DMD: variants seen among roughly 807,000 people sequenced by gnomAD.
The protein encoded by DMD is dystrophin.
In DMD, 63 loss-of-function variants were observed where a neutral mutation model predicts 330.1. The ratio of observed to expected loss-of-function variants is 0.19; its 90% CI spans 0.16 to 0.24. DMD has a LOEUF of 0.24. Ranked by LOEUF, DMD falls within the 10% of genes least tolerant of loss-of-function variation. The pLI is 1.00. For synonymous variants in DMD, 1,223 were observed against 959.8 expected, an observed-to-expected ratio of 1.27 and a Z score of -5.07; for missense variants, 3,344 against 2,684.1, an observed-to-expected ratio of 1.25 and a Z score of -5.43.
chrX:31,464,205 T>A (rs1327041521), intron 59 of DMD, among the ~76,000 whole-genome samples: 2 of 111,649 alleles, frequency 1.8e-5, no homozygotes, highest in Non-Finnish European at 3.8e-5. Context: ...GATGAACTCA[T>A]TAGCTGAACA....
At chrX:32,202,081 G>A (rs2097042475) in intron 44 of DMD, among the ~76,000 whole-genome samples, 1 of 111,286 alleles carries the variant, frequency 9.0e-6, no homozygotes, top group Non-Finnish European at 1.9e-5. Flanking sequence ...TCACACAGTA[G>A]GTCAACAAAT....
chrX:32,720,200 G>A (rs2066144562), intron 7 of DMD, among the ~76,000 whole-genome samples: 1 of 110,412 alleles, frequency 9.1e-6, no homozygotes, highest in South Asian at 3.8e-4. Flanking sequence ...CTTTATTGTT[G>A]TTACCTTTTC....
At chrX:32,982,010 C>T (rs761983906) in intron 2 of DMD, among the ~76,000 whole-genome samples, 4 of 111,392 alleles carry the variant, frequency 3.6e-5, no homozygotes, top group South Asian at 3.7e-4. Context: ...ATTTTTCTGT[C>T]GATCATTCTC....
intron 44 of DMD, among the ~76,000 whole-genome samples, chrX:32,197,391 G>C (rs2097011302): frequency 9.0e-6 from 1 of 111,376 alleles, no homozygotes; most frequent in Admixed American, 9.5e-5. Flanking sequence ...CCCGTTGTTT[G>C]ATCAGATCAA....
intron 47 of DMD, among the ~76,000 whole-genome samples, chrX:31,908,527 T>C (rs979220320): frequency 1.9e-5 from 2 of 105,706 alleles, no homozygotes; most frequent in Admixed American, 1.0e-4. Flanking sequence ...ATGAAAACAC[T>C]TGGACACAGC....
At chrX:32,598,089 T>C (rs930404909) in intron 12 of DMD, among the ~76,000 whole-genome samples, 10 of 112,243 alleles carry the variant, frequency 8.9e-5, no homozygotes, top group African/African-American at 1.9e-4. Flanking sequence ...TGAGCATTTT[T>C]ATCCTAGGCT....
intron 75 of DMD, among the ~76,000 whole-genome samples, chrX:31,146,898 A>C (rs2036770534): frequency 8.9e-6 from 1 of 112,209 alleles, no homozygotes; most frequent in Non-Finnish European, 1.9e-5. Context: ...ACTATGTGTT[A>C]GGGATTAGGA....
chrX:31,787,669 T>C (rs758483274), intron 50 of DMD, among the ~76,000 whole-genome samples: 3 of 112,164 alleles, frequency 2.7e-5, no homozygotes, highest in Non-Finnish European at 5.6e-5. Context: ...GTAACTGCTA[T>C]CTTAAGTTGG....
chrX:33,168,189 T>C (rs2049155190), intron 1 of DMD, among the ~76,000 whole-genome samples: 1 of 110,952 alleles, frequency 9.0e-6, no homozygotes, highest in Non-Finnish European at 1.9e-5. Flanking sequence ...CACAATGTAG[T>C]GAAAATAAAT....
At chrX:31,945,682 T>C (rs781037024) in intron 45 of DMD, among the ~76,000 whole-genome samples, 1 of 111,896 alleles carries the variant, frequency 8.9e-6, no homozygotes, top group African/African-American at 3.2e-5. Context: ...CATACATATA[T>C]ATAGAAAAAA....
intron 2 of DMD, among the ~76,000 whole-genome samples, chrX:32,991,818 A>G (rs2092987263): frequency 8.9e-6 from 1 of 111,990 alleles, no homozygotes; most frequent in Non-Finnish European, 1.9e-5. Context: ...CATAATTTTG[A>G]CCAAAAGTAG....
At chrX:31,764,884 T>C (rs978069008) in intron 51 of DMD, among the ~76,000 whole-genome samples, 1 of 111,988 alleles carries the variant, frequency 8.9e-6, no homozygotes, top group Admixed American at 9.5e-5. Flanking sequence ...ACACAGAATA[T>C]AAAATATAAA....
intron 64 of DMD, among the ~76,000 whole-genome samples, chrX:31,212,465 G>A (rs1023874030): frequency 3.6e-5 from 4 of 109,801 alleles, no homozygotes; most frequent in Non-Finnish European, 3.8e-5. Flanking sequence ...GGGGGGCGGC[G>A]AGCAGGCAGG....
intron 1 of DMD, among the ~76,000 whole-genome samples, chrX:33,037,529 C>G (rs2094225594): frequency 9.0e-6 from 1 of 111,407 alleles, no homozygotes; most frequent in African/African-American, 3.3e-5. Context: ...CAAGAACTTT[C>G]AATTCATGCC....
chrX:32,437,033 C>T (rs1182618980), intron 29 of DMD, among the ~76,000 whole-genome samples: 2 of 111,813 alleles, frequency 1.8e-5, no homozygotes, highest in Non-Finnish European at 3.8e-5. Flanking sequence ...GATGCAACTG[C>T]TGTCTCCTAC....
intron 1 of DMD, among the ~76,000 whole-genome samples, chrX:33,111,280 A>G (rs16990900): frequency 0.029 from 3,236 of 111,923 alleles, 127 homozygotes; most frequent in African/African-American, 0.1. Flanking sequence ...ATCAAGGAAT[A>G]TTAAGTGGCA....
Position 32,386,396 on chromosome X carries a change from C to T in DMD, c.4588G>A (p.Val1530Ile), listed in dbSNP as rs762743383. 2 of 1,205,742 alleles carry T rather than the reference C, an allele frequency of 1.7e-6. No individual in the cohort carries two copies. The highest frequency in any genetic ancestry group is 2.2e-6 in the Non-Finnish European group (2 of 891,897). ...GGATTTTCCGTCTGCTTTTTCTGTA[C>T]AATCTGACGTCCAGTCTTTATCACC... Reference protein sequence around the residue: ...EMVIKTGRQIVQKKQTENPKE... With the variant: ...EMVIKTGRQIIQKKQTENPKE... Residue 1530 changes from valine (V) to isoleucine (I), a missense_variant, in exon 33 of 79, where the codon GTA (valine) becomes ATA (isoleucine). Coordinates refer to ENST00000357033, the MANE Select transcript of DMD (RefSeq NM_004006.3).
chrX:31,427,919 G>A (rs1288000036), intron 60 of DMD, among the ~76,000 whole-genome samples: 1 of 111,943 alleles, frequency 8.9e-6, no homozygotes, highest in Non-Finnish European at 1.9e-5. Flanking sequence ...TAAACCAGGT[G>A]CTTTGCTCAG....
chrX:31,436,741 G>T (rs1439229020), intron 60 of DMD, among the ~76,000 whole-genome samples: 3 of 111,275 alleles, frequency 2.7e-5, no homozygotes, highest in Non-Finnish European at 5.7e-5. Context: ...TTCTTTAAAG[G>T]GTTTTGTTTA....
Sources: gnomAD v4.1 joint callset for allele counts (sites outside exome capture counted in the v4.1 genomes callset) on GRCh38, gnomAD v4.1.1 for gene constraint, MANE v1.5 for transcripts, NCBI Gene and HGNC (gene_info 2026-07-23, HGNC 2026-07-21) for gene names.